PPP2R2A: variants seen among roughly 807,000 people sequenced by gnomAD.
The protein encoded by PPP2R2A is protein phosphatase 2 regulatory subunit Balpha, also known as serine/threonine-protein phosphatase 2A 55 kDa regulatory subunit B alpha isoform.
Under a neutral mutation model 53.2 loss-of-function variants are expected in PPP2R2A, and 9 were observed. That is an observed-to-expected ratio of 0.17 (90% confidence interval 0.10 to 0.30). The LOEUF (loss-of-function observed/expected upper bound fraction) is 0.30, where lower values mean the gene tolerates loss of function less well. Ranked by LOEUF, PPP2R2A falls within the 10% of genes least tolerant of loss-of-function variation. The pLI, the probability that PPP2R2A is intolerant of heterozygous loss-of-function variation, is 1.00. For synonymous variants in PPP2R2A, 169 were observed against 174.2 expected (o/e 0.97, Z 0.23); for missense variants, 235 against 534.6 (o/e 0.44, Z 5.53).
chr8:26,317,317 A>T (rs1226496422), intron 2 of PPP2R2A, among the ~76,000 whole-genome samples: 2 of 152,206 alleles, frequency 1.3e-5, no homozygotes, highest in Non-Finnish European at 2.9e-5. Context: ...ATCTGTTTTT[A>T]AAATATCTTT....
intron 2 of PPP2R2A, among the ~76,000 whole-genome samples, chr8:26,297,099 C>T (rs747087213): frequency 2.0e-5 from 3 of 152,070 alleles, no homozygotes; most frequent in Non-Finnish European, 2.9e-5. Context: ...CATGTAAAAA[C>T]AGCCCAAATT....
intron 2 of PPP2R2A, among the ~76,000 whole-genome samples, chr8:26,305,600 A>G (rs539309031): frequency 1.3e-5 from 2 of 152,340 alleles, no homozygotes; most frequent in Admixed American, 6.5e-5. Context: ...ACTGTGGAGA[A>G]TGTGAAGGAG....
intron 6 of PPP2R2A, 50 bp downstream of exon 6, chr8:26,361,201 C>T (rs1401179438): frequency 6.8e-7 from 1 of 1,474,672 alleles, no homozygotes; most frequent in Admixed American, 2.4e-5. Context: ...ATGTTGTGCC[C>T]ATATTAGATT....
chr8:26,291,565 G>T lies in PPP2R2A; in HGVS notation c.-255G>T, dbSNP rs1801293950. 2 of 500,838 alleles carry T rather than the reference G, an allele frequency of 4.0e-6. No individual in the cohort carries two copies. Among genetic ancestry groups the T allele is most frequent in the Non-Finnish European group, 7.1e-6 (2 of 280,970 alleles). The allele number at this position is 500,838 out of a possible 1,614,324, so 31.0% of individuals were successfully genotyped here. On this transcript the variant is annotated 5_prime_UTR_variant, in exon 1 of 10. Coordinates refer to ENST00000380737, the MANE Select transcript of PPP2R2A (RefSeq NM_002717.4). ...GCCTGCCCCTGCCGCTGCCGCCGCCGCCGTCGCTGTCGTAGTCGCCGCCGC... is the reference window on the plus strand; with the variant it reads ...GCCTGCCCCTGCCGCTGCCGCCGCCTCCGTCGCTGTCGTAGTCGCCGCCGC...
intron 2 of PPP2R2A, among the ~76,000 whole-genome samples, chr8:26,299,510 C>A (rs1015666840): frequency 2.6e-5 from 4 of 152,054 alleles, no homozygotes; most frequent in Admixed American, 1.3e-4. Context: ...TTTCTGTTTA[C>A]TTTTGGTAGG....
In PPP2R2A at chr8:26,370,017, C is replaced by T; in HGVS notation, c.1065-117C>T. Reference sequence around the variant, plus strand: ...TTGAGTTGATGTCAACAGCCCCTGTCCCTTAGTTTAAATCTGCTTTTGAAG... The same window carrying T: ...TTGAGTTGATGTCAACAGCCCCTGTTCCTTAGTTTAAATCTGCTTTTGAAG... On this transcript the variant is annotated intron_variant, in intron 9 of 9. Transcript: ENST00000380737. This position sits in a 1 kb window ranked among gnomAD's most constrained non-coding sequence, Gnocchi z 6.1. The T allele has an allele frequency of 3.9e-6, 4 of 1,016,866 alleles. No individual in the cohort carries two copies. Among genetic ancestry groups the T allele is most frequent in the Non-Finnish European group, 5.8e-6 (4 of 690,974 alleles). 63.0% of individuals were successfully genotyped at this position (1,016,866 alleles called of 1,614,324 possible). A position where few individuals can be genotyped will look rare whatever the true frequency, so the allele number is the denominator to read the frequency against.
In PPP2R2A at chr8:26,370,119, T is replaced by C. The variant is rs778877382; in HGVS notation, c.1065-15T>C. ...GTTCTGCTTGTTTGACTGAGTGTAC[T>C]GTCTATTTTCACAGTGTTGTCATGA... On this transcript the variant is annotated splice_polypyrimidine_tract_variant and intron_variant, in intron 9 of 9. Coordinates refer to ENST00000380737, the MANE Select transcript of PPP2R2A (RefSeq NM_002717.4). The surrounding 1 kb of genome is among the most constrained non-coding windows in gnomAD (Gnocchi z 6.1). 1.9e-6 allele frequency: 3 copies of C among 1,607,894 alleles called. No homozygotes were observed. In the South Asian group the frequency reaches 3.3e-5, roughly 18 times the overall value.
At position 26,366,302 on chromosome 8, in the gene PPP2R2A, A is replaced by AT. The variant is rs1338390737; in HGVS notation, c.973-8dup. The AT allele has an allele frequency of 6.3e-7, 1 of 1,587,980 alleles. No homozygotes were observed. The highest frequency in any genetic ancestry group is 8.6e-7 in the Non-Finnish European group (1 of 1,167,004). The stretch of plus-strand genomic sequence containing the variant: ...CCTAATTTCAGTGCAGTATATTTGT[A>AT]TTTTTCCCCCAGGTGCATGAATACC... On this transcript the variant is annotated splice_polypyrimidine_tract_variant and intron_variant, in intron 8 of 9. Transcript: ENST00000380737.
chr8:26,328,444 T>C (rs1803204693), intron 2 of PPP2R2A, among the ~76,000 whole-genome samples: 1 of 152,236 alleles, frequency 6.6e-6, no homozygotes, highest in East Asian at 1.9e-4. Flanking sequence ...TAAAAAAATC[T>C]TAATCATTGG....
At position 26,354,438 on chromosome 8, in the gene PPP2R2A, A is replaced by G. The variant is rs199672675; in HGVS notation, c.181-30A>G. The G allele has an allele frequency of 6.1e-5, 89 of 1,457,090 alleles. No individual in the cohort carries two copies. The East Asian group carries it at 1.8e-3, about 29-fold the overall frequency. The allele number at this position is 1,457,090 out of a possible 1,614,324, so 90.3% of individuals were successfully genotyped here. ...GATTATTTTGAAATATTTTTCAACA[A>G]TGGTCCATATATTTTTGTTTTCATT... is the stretch of plus-strand genomic sequence containing the variant. On this transcript the variant is annotated intron_variant, in intron 3 of 9. Transcript: ENST00000380737. The surrounding 1 kb of genome is among the most constrained non-coding windows in gnomAD (Gnocchi z 4.6).
At chr8:26,343,375 ATT>A (rs1301786557) in intron 3 of PPP2R2A, among the ~76,000 whole-genome samples, 4 of 141,426 alleles carry the variant, frequency 2.8e-5, no homozygotes, top group African/African-American at 2.6e-5. Context: ...GACTTCTCAG[ATT>A]TTTTTTTTTT....
chr8:26,324,547 G>A (rs1051694871), intron 2 of PPP2R2A, among the ~76,000 whole-genome samples: 1 of 152,178 alleles, frequency 6.6e-6, no homozygotes, highest in South Asian at 2.1e-4. Context: ...TCTGCTGCAG[G>A]GGCAGGGCCC....
Position 26,330,168 on chromosome 8 carries a change from A to G in PPP2R2A, c.83-8722A>G, listed in dbSNP as rs143820119. Among the ~76,000 whole-genome samples, 163 of 152,086 alleles carry G rather than the reference A, an allele frequency of 1.1e-3. 1 individual carries two copies. In the East Asian group the frequency reaches 0.012, roughly 12 times the overall value. ...TATAGGGTAGTTCTTCAACTTCTTG[A>G]TATTTTCCACTACAGTATTTAAATC... On this transcript the variant is annotated intron_variant, in intron 2 of 9. Coordinates refer to ENST00000380737, the MANE Select transcript of PPP2R2A (RefSeq NM_002717.4).
rs575863472 is a variant in PPP2R2A at position 26,341,188 on chromosome 8, A to G, written c.180+2201A>G. Among the ~76,000 whole-genome samples, 6 of 152,328 alleles carry G rather than the reference A, an allele frequency of 3.9e-5. No homozygotes were observed. In the South Asian group the frequency reaches 1.2e-3, roughly 32 times the overall value. On this transcript the variant is annotated intron_variant, in intron 3 of 9. Transcript: ENST00000380737. ...AGTGATAGATTAAGTAAAGATGATG[A>G]TGGTGATTGACTCTTCACTTCTGAA... is the stretch of plus-strand genomic sequence containing the variant.
At chr8:26,320,647 G>C (rs1302353501) in intron 2 of PPP2R2A, among the ~76,000 whole-genome samples, 1 of 152,124 alleles carries the variant, frequency 6.6e-6, no homozygotes, top group African/African-American at 2.4e-5. Flanking sequence ...GAGCAGCTGT[G>C]TCTCCCTGCC....
At chr8:26,301,245 A>G (rs1801767392) in intron 2 of PPP2R2A, among the ~76,000 whole-genome samples, 1 of 151,834 alleles carries the variant, frequency 6.6e-6, no homozygotes, top group Admixed American at 6.6e-5. Context: ...TGCCTAGTAG[A>G]TACTTTTTAT....
At chr8:26,319,474 A>G (rs957787054) in intron 2 of PPP2R2A, among the ~76,000 whole-genome samples, 6 of 151,490 alleles carry the variant, frequency 4.0e-5, no homozygotes, top group African/African-American at 9.7e-5. Flanking sequence ...TACTTTTTTT[A>G]TAAGAATTTT....
At chr8:26,306,369 A>G (rs530182872) in intron 2 of PPP2R2A, among the ~76,000 whole-genome samples, 102 of 151,790 alleles carry the variant, frequency 6.7e-4, no homozygotes, top group African/African-American at 2.4e-3. Flanking sequence ...CCAGCTGCTC[A>G]GAAGGCTGAG....
At position 26,354,208 on chromosome 8, in the gene PPP2R2A, T is replaced by C. The variant is rs1200215681; in HGVS notation, c.181-260T>C. Reference sequence around the variant, plus strand: ...CAAATACATAAGAGTAAATTAGCAATCAAATTGATCCATATTTAACGTCAT... The same window carrying C: ...CAAATACATAAGAGTAAATTAGCAACCAAATTGATCCATATTTAACGTCAT... On this transcript the variant is annotated intron_variant, in intron 3 of 9. Transcript: ENST00000380737. The surrounding 1 kb of genome is among the most constrained non-coding windows in gnomAD (Gnocchi z 4.6). Among the ~76,000 whole-genome samples the C allele has an allele frequency of 6.6e-6, 1 of 152,146 alleles. No individual in the cohort carries two copies. The highest frequency in any genetic ancestry group is 1.5e-5 in the Non-Finnish European group (1 of 68,022).
Sources: gnomAD v4.1 joint callset for allele counts (sites outside exome capture counted in the v4.1 genomes callset) on GRCh38, gnomAD v4.1.1 for gene constraint, Gnocchi (gnomAD v3.1) non-coding constraint, MANE v1.5 for transcripts, NCBI Gene and HGNC (gene_info 2026-07-23, HGNC 2026-07-21) for gene names.